ARRB1: variants seen among roughly 807,000 people sequenced by gnomAD.
ARRB1 encodes the protein beta-arrestin-1.
A neutral mutation model predicts 56.8 loss-of-function variants in ARRB1; 21 were observed. The ratio of observed to expected loss-of-function variants is 0.37; its 90% confidence interval spans 0.26 to 0.53. The LOEUF (loss-of-function observed/expected upper bound fraction) is 0.53. Ranked by LOEUF, ARRB1 falls within the 20% of genes least tolerant of loss-of-function variation. The pLI is 0.88. For synonymous variants in ARRB1, 210 were observed against 218.6 expected, an observed-to-expected ratio of 0.96 and a Z score of 0.35; for missense variants, 424 against 553.7, an observed-to-expected ratio of 0.77 and a Z score of 2.35.
At chr11:75,281,887 C>G in intron 6 of ARRB1, 75 bp downstream of exon 6, 1 of 1,502,802 alleles carries the variant, frequency 6.7e-7, no homozygotes, top group Non-Finnish European at 9.2e-7. Context: ...TCCAGCACCT[C>G]CCAGGGAGAA....
At chr11:75,267,606 C>T in intron 15 of ARRB1, 46 bp downstream of exon 15, 2 of 1,301,824 alleles carry the variant, frequency 1.5e-6, no homozygotes, top group Non-Finnish European at 2.2e-6. Context: ...CCACCCCGCC[C>T]ACCCGCGGCC....
chr11:75,334,778 A>T (rs1428651714), intron 1 of ARRB1, among the ~76,000 whole-genome samples: 1 of 152,104 alleles, frequency 6.6e-6, no homozygotes, highest in Non-Finnish European at 1.5e-5. Context: ...TTCTGTAGGG[A>T]GGGCTCTAAC....
chr11:75,287,307 G>C lies in ARRB1; in HGVS notation c.112+8C>G. On this transcript the variant is annotated splice_region_variant and intron_variant, in intron 3 of 15. Transcript: ENST00000420843. Reference sequence around the variant, plus strand: ...CCCCAGCCCTCCTCTCGCCCTCCAGGGACTCACCCACAGGGTCCACGAGGT... The same window carrying C: ...CCCCAGCCCTCCTCTCGCCCTCCAGCGACTCACCCACAGGGTCCACGAGGT... The C allele has an allele frequency of 6.4e-7, 1 of 1,552,424 alleles. No homozygotes were observed. The highest frequency in any genetic ancestry group is 8.7e-7 in the Non-Finnish European group (1 of 1,147,312).
rs1422522593 is a variant in ARRB1 at position 75,274,151 on chromosome 11, G to A, written c.837C>T (p.Ala279=). ...CGAGGCCCCGCTTCTCTCGGTTATT[G>A]GCTAGGAAGGGGGTCAGTGTGTAGA... is the stretch of plus-strand genomic sequence containing the variant. ...CKVYTLTPFL[A]NNREKRGLAL... The change falls in exon 11 of 16, where the codon GCC becomes GCT. Residue 279 remains alanine (A), a synonymous_variant. Transcript: ENST00000420843. 12 of 1,614,230 alleles carry A rather than the reference G, an allele frequency of 7.4e-6. No individual in the cohort carries two copies. The Admixed American group carries it at 2.0e-4, about 27-fold the overall frequency.
Position 75,341,781 on chromosome 11 carries a change from C to A in ARRB1, c.20+9807G>T, listed in dbSNP as rs1294284746. On this transcript the variant is annotated intron_variant, in intron 1 of 15. Transcript: ENST00000420843. Reference sequence around the variant, plus strand: ...ACTAGTTTGGGAACCACAGGACAGTCCCAAAGACAGGACCAAGGCTCAAGG... The same window carrying A: ...ACTAGTTTGGGAACCACAGGACAGTACCAAAGACAGGACCAAGGCTCAAGG... Among the ~76,000 whole-genome samples the A allele has an allele frequency of 1.4e-4, 21 of 152,334 alleles. No homozygotes were observed. In the South Asian group the frequency reaches 4.3e-3, roughly 32 times the overall value.
chr11:75,346,101 C>A (rs1471263147), intron 1 of ARRB1, among the ~76,000 whole-genome samples: 1 of 152,124 alleles, frequency 6.6e-6, no homozygotes, highest in Admixed American at 6.5e-5. Context: ...CAGCCTCACC[C>A]CTCACACTCC....
At chr11:75,312,942 T>C (rs1363063180) in intron 1 of ARRB1, among the ~76,000 whole-genome samples, 1 of 152,188 alleles carries the variant, frequency 6.6e-6, no homozygotes, top group Non-Finnish European at 1.5e-5. Context: ...AATATATTTG[T>C]GTTGTTTTAA....
intron 1 of ARRB1, among the ~76,000 whole-genome samples, chr11:75,290,642 T>C (rs1946588610): frequency 6.6e-6 from 1 of 152,194 alleles, no homozygotes; most frequent in South Asian, 2.1e-4. Flanking sequence ...TGCAGTGGCG[T>C]GATCTCAGCT....
At chr11:75,306,670 G>A in intron 1 of ARRB1, 1 of 1,286,972 alleles carries the variant, frequency 7.8e-7, no homozygotes, top group Admixed American at 2.3e-5. Context: ...GCAGGCAGCA[G>A]CAGCCAGGCC....
At chr11:75,350,649 GA>G (rs1947834554) in intron 1 of ARRB1, among the ~76,000 whole-genome samples, 1 of 152,222 alleles carries the variant, frequency 6.6e-6, no homozygotes, top group Non-Finnish European at 1.5e-5. Context: ...CAGGTTCTAG[GA>G]GAACGGGAGG....
At chr11:75,267,614 G>GCCCCCCCC in intron 15 of ARRB1, 38 bp downstream of exon 15, 3 of 1,325,138 alleles carry the variant, frequency 2.3e-6, no homozygotes, top group East Asian at 2.7e-5. Context: ...CCCACCCGCG[G>GCCCCCCCC]CCCACCCCCG....
chr11:75,275,092 GAA>G (rs1426597790), intron 10 of ARRB1, among the ~76,000 whole-genome samples: 1 of 143,128 alleles, frequency 7.0e-6, no homozygotes, highest in Non-Finnish European at 1.5e-5. Flanking sequence ...GCAACAGAGT[GAA>G]ACTCTGTCTC....
At position 75,289,074 on chromosome 11, in the gene ARRB1, G is replaced by A. The variant is rs113865481; in HGVS notation, c.51+935C>T. On this transcript the variant is annotated intron_variant, in intron 2 of 15. Transcript: ENST00000420843. ...AGAAGGAATCTAAGATGAAACCCTG[G>A]TGCAGCAGGGAAGGGCAATGGTGAC... Among the ~76,000 whole-genome samples the A allele has an allele frequency of 8.9e-4, 136 of 152,292 alleles. 1 individual carries two copies. Among genetic ancestry groups the A allele is most frequent in the African/African-American group, 3.2e-3 (133 of 41,546 alleles).
In ARRB1 at chr11:75,276,919, G is replaced by A. The variant is rs1565108921; in HGVS notation, c.704-8C>T. ...TGTCTGCATACTGGCGCACTAGGGA[G>A]GGAGAGGAATCAAGGTGGAGTGAGT... On this transcript the variant is annotated splice_region_variant and splice_polypyrimidine_tract_variant and intron_variant, in intron 9 of 15. Transcript: ENST00000420843. 16 of 1,614,032 alleles carry A rather than the reference G, an allele frequency of 9.9e-6. No individual in the cohort carries two copies. In the East Asian group the frequency reaches 3.6e-4, roughly 36 times the overall value.
At chr11:75,275,867 T>C (rs887870606) in intron 10 of ARRB1, among the ~76,000 whole-genome samples, 2 of 152,338 alleles carry the variant, frequency 1.3e-5, no homozygotes, top group South Asian at 4.1e-4. Context: ...ATGCAGACGC[T>C]GGCACCATCT....
At chr11:75,276,946 G>A (rs374689698) in intron 9 of ARRB1, 35 bp from the exon 10 acceptor site, 116 of 1,606,976 alleles carry the variant, frequency 7.2e-5, no homozygotes, top group Admixed American at 1.8e-4. Flanking sequence ...GGAGTGAGTC[G>A]GGAATGTAGC....
intron 1 of ARRB1, among the ~76,000 whole-genome samples, chr11:75,306,286 G>A (rs1022053345): frequency 3.3e-5 from 5 of 151,996 alleles, no homozygotes; most frequent in Admixed American, 2.0e-4. Context: ...TCCAAACCTC[G>A]TCTCCAGCCA....
Position 75,308,720 on chromosome 11 carries a change from T to G in ARRB1, c.21-18681A>C, listed in dbSNP as rs567068288. On this transcript the variant is annotated intron_variant, in intron 1 of 15. Coordinates refer to ENST00000420843, the MANE Select transcript of ARRB1 (RefSeq NM_004041.5). ...AGATAGCACCACTGCACTCCAGCCT[T>G]GGCGACAGAGTGAGAATCCATCTCA... Among the ~76,000 whole-genome samples the G allele has an allele frequency of 3.0e-3, 448 of 151,314 alleles. 1 individual carries two copies. Among genetic ancestry groups the G allele is most frequent in the African/African-American group, 0.01 (424 of 41,256 alleles).
chr11:75,309,652 G>T (rs917649550), intron 1 of ARRB1, among the ~76,000 whole-genome samples: 2 of 152,174 alleles, frequency 1.3e-5, no homozygotes, highest in Admixed American at 1.3e-4. Context: ...GGCTAGGTAG[G>T]TGGGAGGAAA....
Sources: allele counts gnomAD v4.1 joint callset (sites outside exome capture counted in the v4.1 genomes callset), GRCh38; gene constraint gnomAD v4.1.1; transcripts MANE v1.5; gene names NCBI Gene and HGNC (gene_info 2026-07-23, HGNC 2026-07-21).